ZNF407: variants seen among roughly 807,000 people sequenced by gnomAD.
The protein encoded by ZNF407 is zinc finger protein 407.
ZNF407 carries 17 observed loss-of-function variants against 131.2 expected under a neutral mutation model. The ratio of observed to expected loss-of-function variants is 0.13; its 90% CI spans 0.09 to 0.19. The LOEUF (loss-of-function observed/expected upper bound fraction) is 0.19, where lower values mean the gene tolerates loss of function less well. Among genes scored for constraint, ZNF407 ranks in the 10% least tolerant of loss-of-function variants. The pLI is 1.00. For synonymous variants in ZNF407, 1,156 were observed against 1,062.0 expected, an observed-to-expected ratio of 1.09 and a Z score of -1.72; for missense variants, 2,681 against 2,830.6, an observed-to-expected ratio of 0.95 and a Z score of 1.20.
chr18:74,695,616 C>T (rs560276980), intron 3 of ZNF407, among the ~76,000 whole-genome samples: 31 of 151,346 alleles, frequency 2.0e-4, no homozygotes, highest in Non-Finnish European at 3.8e-4. Context: ...TTACACCTAA[C>T]AACCACCTAT....
intron 8 of ZNF407, among the ~76,000 whole-genome samples, chr18:75,019,260 A>G (rs1249010492): frequency 6.6e-6 from 1 of 152,202 alleles, no homozygotes; most frequent in Non-Finnish European, 1.5e-5. Context: ...AATAAAATTC[A>G]GATAATAGAA....
chr18:74,984,651 T>G (rs945690532), intron 8 of ZNF407, among the ~76,000 whole-genome samples: 10 of 152,206 alleles, frequency 6.6e-5, no homozygotes, highest in African/African-American at 2.4e-4. Flanking sequence ...ACCTAAAAAC[T>G]AAATGATGGT....
In ZNF407 at chr18:74,631,285, A is replaced by G. The variant is rs927636244; in HGVS notation, c.266A>G (p.Gln89Arg). The G allele has an allele frequency of 1.9e-6, 3 of 1,613,880 alleles. No individual in the cohort carries two copies. The highest frequency in any genetic ancestry group is 2.5e-6 in the Non-Finnish European group (3 of 1,179,886). The change falls in exon 2 of 9, where the codon CAA (glutamine) becomes CGA (arginine). Residue 89 changes from glutamine to arginine, a missense_variant. By Grantham distance (43) the Gln-to-Arg change is conservative. This residue lies in a region of ZNF407 where 1,789 missense variants were observed against 1,748.7 expected (regional missense o/e 1.02). Transcript: ENST00000299687. ...DEAEPLKSGK[Q>R]GICRLETSES... is the part of the protein sequence containing the mutation. Reference sequence around the variant, plus strand: ...GCAGAGCCCCTTAAATCTGGAAAGCAAGGTATTTGTAGATTAGAAACTTCT... The same window carrying G: ...GCAGAGCCCCTTAAATCTGGAAAGCGAGGTATTTGTAGATTAGAAACTTCT...
At chr18:74,944,699 A>G (rs188044739) in intron 8 of ZNF407, among the ~76,000 whole-genome samples, 3 of 152,376 alleles carry the variant, frequency 2.0e-5, no homozygotes, top group Admixed American at 6.5e-5. Context: ...TGATCCGAAT[A>G]GATGCCCAAG....
chr18:74,972,517 T>C (rs1972484249), intron 8 of ZNF407, among the ~76,000 whole-genome samples: 1 of 152,242 alleles, frequency 6.6e-6, no homozygotes, highest in Non-Finnish European at 1.5e-5. Context: ...CACTCCCTGC[T>C]TTATCTGATC....
chr18:74,877,074 C>T (rs1385741870), intron 4 of ZNF407, 123 bp from the exon 5 acceptor site: 6 of 780,608 alleles, frequency 7.7e-6, no homozygotes, highest in Non-Finnish European at 1.3e-5. Flanking sequence ...CAGACCAGGC[C>T]TGCAGTGCTC....
intron 4 of ZNF407, among the ~76,000 whole-genome samples, chr18:74,862,921 C>CTT (rs34268986): frequency 9.9e-4 from 137 of 138,484 alleles, no homozygotes; most frequent in Admixed American, 4.2e-3. Context: ...TTATTTCTCA[C>CTT]TTTTTTTTTT....
chr18:74,780,417 G>C (rs1351345468), intron 3 of ZNF407, among the ~76,000 whole-genome samples: 1 of 152,142 alleles, frequency 6.6e-6, no homozygotes, highest in Non-Finnish European at 1.5e-5. Context: ...GATGAATTCA[G>C]TGTTTAATGT....
chr18:74,618,278 GA>G (rs1983396222), intron 1 of ZNF407, among the ~76,000 whole-genome samples: 1 of 152,126 alleles, frequency 6.6e-6, no homozygotes, highest in South Asian at 2.1e-4. Context: ...CATTTCTTGA[GA>G]CTCCCAGTGG....
chr18:74,804,184 T>C (rs1970071803), intron 4 of ZNF407: 9 of 1,380,914 alleles, frequency 6.5e-6, no homozygotes, highest in Middle Eastern at 1.9e-4. Context: ...CATACTTGAA[T>C]TCATTTGTGT....
intron 3 of ZNF407, among the ~76,000 whole-genome samples, chr18:74,718,393 G>T (rs190342876): frequency 8.6e-5 from 13 of 151,992 alleles, no homozygotes; most frequent in Non-Finnish European, 1.8e-4. Context: ...TTGTGCTGGT[G>T]CGTGCCTATA....
At chr18:74,956,974 G>A (rs1288833931) in intron 8 of ZNF407, among the ~76,000 whole-genome samples, 1 of 152,198 alleles carries the variant, frequency 6.6e-6, no homozygotes, top group African/African-American at 2.4e-5. Flanking sequence ...CATGTCAGCA[G>A]TCAACATATT....
At chr18:74,816,201 T>G (rs1375358637) in intron 4 of ZNF407, among the ~76,000 whole-genome samples, 1 of 152,218 alleles carries the variant, frequency 6.6e-6, no homozygotes, top group East Asian at 1.9e-4. Flanking sequence ...ATATTTCTGG[T>G]TACTTTGGCT....
rs754652823 is a variant in ZNF407 at position 74,632,223 on chromosome 18, C to T, written c.1204C>T (p.Leu402Phe). The change falls in exon 2 of 9, where the codon CTT (leucine) becomes TTT (phenylalanine). Residue 402 changes from leucine (L) to phenylalanine (F), a missense_variant. Leu to Phe is a conservative substitution (Grantham distance 22, BLOSUM62 0). Around this residue, in one of 6 missense-constraint regions of ZNF407, gnomAD observed 1,789 missense variants for 1,748.7 expected, o/e 1.02. Transcript: ENST00000299687. ...GAAATTGGAATCTACAAAAAATACC[C>T]TTCAGGCAGCACACGGTAACAGTGT... The part of the protein sequence containing the change: ...LEKLESTKNT[L>F]QAAHGNSVTS... 4 of 1,613,944 alleles carry T rather than the reference C, an allele frequency of 2.5e-6. No individual in the cohort carries two copies. Among genetic ancestry groups the T allele is most frequent in the Non-Finnish European group, 3.4e-6 (4 of 1,179,876 alleles).
At chr18:74,689,204 A>G (rs1237074593) in intron 3 of ZNF407, among the ~76,000 whole-genome samples, 1 of 152,206 alleles carries the variant, frequency 6.6e-6, no homozygotes, top group Non-Finnish European at 1.5e-5. Flanking sequence ...GATCTTGCAC[A>G]TACTTTGTTC....
At chr18:74,894,680 G>T (rs1971429807) in intron 7 of ZNF407, among the ~76,000 whole-genome samples, 1 of 152,052 alleles carries the variant, frequency 6.6e-6, no homozygotes, top group Admixed American at 6.6e-5. Context: ...ATATTAAACA[G>T]TAAAGCACTG....
In ZNF407 at chr18:74,907,384, G is replaced by A. The variant is rs554250502; in HGVS notation, c.5250-13130G>A. On this transcript the variant is annotated intron_variant, in intron 7 of 8. Transcript: ENST00000299687. ...GGAAGTGTCTGGCTCTTACGCTGTG[G>A]GACTTTTAAGCTTCACAACTGGAGA... 2.0e-5 allele frequency among the ~76,000 whole-genome samples: 3 copies of A among 152,246 alleles called. No homozygotes were observed. The South Asian group carries it at 6.2e-4, about 32-fold the overall frequency.
At chr18:74,706,238 C>T (rs1235777836) in intron 3 of ZNF407, among the ~76,000 whole-genome samples, 1 of 152,122 alleles carries the variant, frequency 6.6e-6, no homozygotes, top group Non-Finnish European at 1.5e-5. Context: ...CATTCTAGTT[C>T]ACTGTCTTTT....
intron 4 of ZNF407, among the ~76,000 whole-genome samples, chr18:74,844,445 A>G (rs1407423051): frequency 6.6e-6 from 1 of 152,238 alleles, no homozygotes; most frequent in African/African-American, 2.4e-5. Context: ...CCTTAACACA[A>G]GTATTTATGA....
Sources: allele counts gnomAD v4.1 joint callset (sites outside exome capture counted in the v4.1 genomes callset), GRCh38; gene constraint gnomAD v4.1.1; regional missense constraint gnomAD v4.1.1; transcripts MANE v1.5; gene names NCBI Gene and HGNC (gene_info 2026-07-23, HGNC 2026-07-21).